Variants in TCTN2 observed in about 807,000 individuals in gnomAD.
TCTN2 encodes the protein tectonic family member 2, also known as tectonic-2.
A neutral mutation model predicts 83.4 loss-of-function variants in TCTN2; 66 were observed. That is an observed-to-expected ratio of 0.79 (90% CI 0.65 to 0.97). The LOEUF is 0.97. TCTN2 is among the 50% of genes least tolerant of loss of function. TCTN2 has a pLI of 0.00. For synonymous variants in TCTN2, 301 were observed against 326.7 expected (o/e 0.92, Z 0.85); for missense variants, 794 against 858.1 (o/e 0.93, Z 0.93).
intron 9 of TCTN2, among the ~76,000 whole-genome samples, chr12:123,694,488 ATAGCGGGCCCCTGCCCTGGCGGAAC>A: frequency 6.6e-6 from 1 of 152,268 alleles, no homozygotes. Flanking sequence ...AGGGAACTAG[ATAGCGGGCCCCTGCCCTGGCGGAAC>A]TGACCCTCTG....
chr12:123,706,770 A>G lies in TCTN2; in HGVS notation c.1814A>G (p.Glu605Gly). Residue 605 changes from glutamate to glycine, a missense_variant, in exon 16 of 18, where the codon GAG becomes GGG. Physicochemically the swap from Glu to Gly is moderately conservative, Grantham distance 98. Transcript: ENST00000303372. ...NWQYQCGLTC[E>G]HKADLLPISA... ...CAGTACCAGTGTGGGCTTACCTGTGAGCACAAGGCCGACCTTCTCCCTATC... is the reference window on the plus strand; with the variant it reads ...CAGTACCAGTGTGGGCTTACCTGTGGGCACAAGGCCGACCTTCTCCCTATC... 1 of 1,614,148 alleles carries G rather than the reference A, an allele frequency of 6.2e-7. No homozygotes were observed. The highest frequency in any genetic ancestry group is 8.5e-7 in the Non-Finnish European group (1 of 1,180,026).
chr12:123,672,370 C>T (rs1219683505), intron 3 of TCTN2, among the ~76,000 whole-genome samples: 1 of 152,074 alleles, frequency 6.6e-6, no homozygotes, highest in Non-Finnish European at 1.5e-5. Flanking sequence ...ATGTAAAGTT[C>T]TGTGTGTATG....
At chr12:123,677,948 G>A (rs987282279) in intron 4 of TCTN2, among the ~76,000 whole-genome samples, 14 of 152,116 alleles carry the variant, frequency 9.2e-5, no homozygotes, top group South Asian at 4.1e-4. Context: ...AAACTCTTAC[G>A]TGTGTTTCAG....
chr12:123,691,539 C>T (rs2135841339), intron 8 of TCTN2, among the ~76,000 whole-genome samples: 1 of 152,278 alleles, frequency 6.6e-6, no homozygotes, highest in Middle Eastern at 3.4e-3. Context: ...TTGTGTTTGT[C>T]CATTCCTCAG....
At chr12:123,699,455 A>T (rs1480210393) in intron 13 of TCTN2, among the ~76,000 whole-genome samples, 2 of 152,096 alleles carry the variant, frequency 1.3e-5, no homozygotes, top group Non-Finnish European at 2.9e-5. Flanking sequence ...GCACCCGGCC[A>T]AGTTACTAAC....
At chr12:123,704,827 A>T in intron 15 of TCTN2, 139 bp downstream of exon 15, 1 of 882,048 alleles carries the variant, frequency 1.1e-6, no homozygotes, top group South Asian at 1.4e-5. Flanking sequence ...TTATATGCAC[A>T]TATGGAATAT....
In TCTN2 at chr12:123,706,747, G is replaced by A. The variant is rs1956234201; in HGVS notation, c.1791G>A (p.Gln597=). Residue 597 remains glutamine, a synonymous_variant, in exon 16 of 18, where the codon CAG becomes CAA. Transcript: ENST00000303372. ...CTAGGTTCTCCTCAGTGAACTGGCA[G>A]TACCAGTGTGGGCTTACCTGTGAGC... The part of the protein sequence containing the change: ...VETRFSSVNW[Q]YQCGLTCEHK... 1 of 1,614,128 alleles carries A rather than the reference G, an allele frequency of 6.2e-7. No homozygotes were observed. The highest frequency in any genetic ancestry group is 8.5e-7 in the Non-Finnish European group (1 of 1,180,026).
intron 14 of TCTN2, among the ~76,000 whole-genome samples, chr12:123,701,679 C>T (rs1231879683): frequency 6.6e-6 from 1 of 151,174 alleles, no homozygotes; most frequent in Non-Finnish European, 1.5e-5. Flanking sequence ...GGAGGCGGAG[C>T]TTGCTGTGAG....
chr12:123,698,805 G>A (rs967876903), intron 13 of TCTN2, among the ~76,000 whole-genome samples: 4 of 140,240 alleles, frequency 2.9e-5, no homozygotes, highest in African/African-American at 1.2e-4. Context: ...AGGAAGAAAT[G>A]GGGGTAACAT....
At chr12:123,702,638 G>A (rs77724571) in intron 14 of TCTN2, among the ~76,000 whole-genome samples, 10,908 of 152,200 alleles carry the variant, frequency 0.072, 554 homozygotes, top group African/African-American at 0.13. Flanking sequence ...CCCAGAGGTC[G>A]AGCTTGTCAA....
chr12:123,692,531 G>A, intron 8 of TCTN2, 127 bp from the exon 9 acceptor site: 1 of 744,606 alleles, frequency 1.3e-6, no homozygotes, highest in South Asian at 1.5e-5. Flanking sequence ...GAGTGGGGAG[G>A]GTTTTGTAGT....
rs769707766 is a variant in TCTN2, at chr12:123,679,235, T to C, written c.510T>C (p.Pro170=). ...IPNQVYQPLG[P]CPCNLTAGAC... ...ACCAGGTGTATCAGCCCCTTGGCCC[T>C]TGTCCTTGTAATTTAACAGCTGGAG... Residue 170 remains proline, a synonymous_variant, in exon 5 of 18, where the codon CCT becomes CCC. Transcript: ENST00000303372. 1.2e-5 allele frequency: 19 copies of C among 1,614,028 alleles called. No homozygotes were observed. In the South Asian group the frequency reaches 2.0e-4, roughly 17 times the overall value.
intron 4 of TCTN2, among the ~76,000 whole-genome samples, chr12:123,674,199 C>G (rs1019171821): frequency 6.6e-6 from 1 of 151,734 alleles, no homozygotes; most frequent in African/African-American, 2.4e-5. Flanking sequence ...TGATCTTTCT[C>G]TACTGTTTGC....
In TCTN2 at chr12:123,708,007, CTTTT is replaced by C. The variant is rs983291114; in HGVS notation, c.*314_*317del. 2,061 of 211,968 alleles carry C rather than the reference CTTTT, an allele frequency of 9.7e-3. No individual in the cohort carries two copies. The highest frequency in any genetic ancestry group is 0.019 in the South Asian group (382 of 20,516). 13.1% of individuals were successfully genotyped at this position (211,968 alleles called of 1,614,324 possible). On this transcript the variant is annotated 3_prime_UTR_variant, in exon 18 of 18. Transcript: ENST00000303372. Reference sequence around the variant, plus strand: ...ACAGGCATGAGCCACCGCACCCGGCCTTTTTTTTTTTTTTTTTTTTTTTGAGGCG... The same window carrying C: ...ACAGGCATGAGCCACCGCACCCGGCCTTTTTTTTTTTTTTTTTTTGAGGCG...
At chr12:123,687,079 G>A (rs969907913) in intron 6 of TCTN2, 44 bp downstream of exon 6, 18 of 1,607,578 alleles carry the variant, frequency 1.1e-5, no homozygotes, top group African/African-American at 1.3e-5. Flanking sequence ...TTGTTCTCCC[G>A]CCCTGGTGGG....
rs148068428 is a variant in TCTN2, at chr12:123,680,705, C to A, written c.564+1416C>A. 9.3e-3 allele frequency among the ~76,000 whole-genome samples: 1,399 copies of A among 150,936 alleles called. 15 individuals carry two copies. The highest frequency in any genetic ancestry group is 0.037 in the Middle Eastern group (11 of 294). On this transcript the variant is annotated intron_variant, in intron 5 of 17. Coordinates refer to ENST00000303372, the MANE Select transcript of TCTN2 (RefSeq NM_024809.5). The stretch of plus-strand genomic sequence containing the variant: ...CTAATTTTTGTATTTTTAGTAGAGG[C>A]GGGGTTTCACCATGTTGGCCAGGCT...
At chr12:123,702,700 A>C (rs1205239313) in intron 14 of TCTN2, among the ~76,000 whole-genome samples, 1 of 152,190 alleles carries the variant, frequency 6.6e-6, no homozygotes, top group East Asian at 1.9e-4. Context: ...AATGACCCTG[A>C]GGGCTGGAGA....
chr12:123,685,070 A>G (rs1955947751), intron 5 of TCTN2, among the ~76,000 whole-genome samples: 1 of 151,244 alleles, frequency 6.6e-6, no homozygotes, highest in Non-Finnish European at 1.5e-5. Context: ...AAAAAAGAGT[A>G]AAGTACATCA....
chr12:123,687,351 C>A (rs780218648), intron 6 of TCTN2, among the ~76,000 whole-genome samples: 1 of 152,106 alleles, frequency 6.6e-6, no homozygotes. Flanking sequence ...AAATTTACAT[C>A]TATGATTTTT....
Sources: gnomAD v4.1 joint callset for allele counts (sites outside exome capture counted in the v4.1 genomes callset) on GRCh38, gnomAD v4.1.1 for gene constraint, MANE v1.5 for transcripts, NCBI Gene and HGNC (gene_info 2026-07-23, HGNC 2026-07-21) for gene names.